The following ZNF556 variants were observed in gnomAD, a reference collection of about 807,000 sequenced individuals.
ZNF556 encodes zinc finger protein 556.
In ZNF556, 11 loss-of-function variants were observed where a neutral mutation model predicts 13.6. That is an observed-to-expected ratio of 0.81 (90% CI 0.51 to 1.33). The LOEUF (loss-of-function observed/expected upper bound fraction) is 1.33, where lower values mean the gene tolerates loss of function less well. ZNF556 is among the 40% of genes most tolerant of loss of function. ZNF556 has a pLI of 0.00. For missense variants in ZNF556, 633 were observed against 566.2 expected (o/e 1.12, Z -1.20); for synonymous variants, 229 against 207.8 (o/e 1.10, Z -0.88).
chr19:2,867,885 C>T (rs1266023876), intron 1 of ZNF556, among the ~76,000 whole-genome samples: 1 of 152,146 alleles, frequency 6.6e-6, no homozygotes, highest in Admixed American at 6.5e-5. Flanking sequence ...GGCCTGACCC[C>T]AAAGGCCCGC....
At chr19:2,875,609 C>A in intron 2 of ZNF556, 1 of 155,288 alleles carries the variant, frequency 6.4e-6, no homozygotes, top group South Asian at 1.9e-4. Flanking sequence ...TTTTGGGAGT[C>A]GTGTTCCCTG....
In ZNF556 at chr19:2,877,890, G is replaced by A. The variant is rs867357886; in HGVS notation, c.932G>A (p.Gly311Glu). The A allele has an allele frequency of 1.9e-6, 3 of 1,614,064 alleles. No individual in the cohort carries two copies. The African/African-American group carries it at 4.0e-5, about 22-fold the overall frequency. Residue 311 changes from glycine (G) to glutamate (E), a missense_variant, in exon 4 of 4, where the codon GGG (glycine) becomes GAG (glutamate). Physicochemically the swap from Gly to Glu is moderately conservative, Grantham distance 98. Coordinates refer to ENST00000307635, the MANE Select transcript of ZNF556 (RefSeq NM_024967.3). ...SFQRHVRIHN[G>E]EKPYKCGKCG... ...CAACGACACGTGAGAATTCACAACG[G>A]GGAGAAACCCTATAAGTGTGGAAAA...
intron 2 of ZNF556, among the ~76,000 whole-genome samples, chr19:2,874,190 G>C (rs62126858): frequency 0.42 from 63,297 of 151,868 alleles, 16,007 homozygotes; most frequent in East Asian, 0.81. Context: ...CCGGGAGGCA[G>C]AGGTTGCAGT....
At chr19:2,873,696 G>A (rs1378911318) in intron 2 of ZNF556, 74 bp downstream of exon 2, 10 of 1,531,928 alleles carry the variant, frequency 6.5e-6, no homozygotes, top group African/African-American at 4.1e-5. Flanking sequence ...GTTCATGCCT[G>A]TATTCCCAGT....
In ZNF556 at chr19:2,882,209, C is replaced by CCG. The variant is rs1568356654; in HGVS notation, c.*3880_*3881insCG. The CCG allele has an allele frequency of 1.3e-5, 2 of 152,042 alleles. No individual in the cohort carries two copies. Among genetic ancestry groups the CCG allele is most frequent in the African/African-American group, 4.8e-5 (2 of 41,402 alleles). The allele number at this position is 152,042 out of a possible 1,614,324, so 9.4% of individuals were successfully genotyped here. On this transcript the variant is annotated 3_prime_UTR_variant, in exon 4 of 4. Coordinates refer to ENST00000307635, the MANE Select transcript of ZNF556 (RefSeq NM_024967.3). Reference sequence around the variant, plus strand: ...TTGGGAGGCTGAGGCGGGTGGATCACGAGGTCAGGAGATCAAGACCATCCT... The same window carrying CCG: ...TTGGGAGGCTGAGGCGGGTGGATCACCGGAGGTCAGGAGATCAAGACCATCCT...
rs1323673782 is a variant in ZNF556 at position 2,882,470 on chromosome 19, AT to A, written c.*4144del. 1 of 149,970 alleles carries A rather than the reference AT, an allele frequency of 6.7e-6. No individual in the cohort carries two copies. Among genetic ancestry groups the A allele is most frequent in the Non-Finnish European group, 1.5e-5 (1 of 67,768 alleles). The allele number at this position is 149,970 out of a possible 1,614,324, so 9.3% of individuals were successfully genotyped here. ...AAAGGTATATTTATGGTTCAGCCTCATTTCTGCAAATATTAAAAATTTTAGG... is the reference window on the plus strand; with the variant it reads ...AAAGGTATATTTATGGTTCAGCCTCATTCTGCAAATATTAAAAATTTTAGG... On this transcript the variant is annotated 3_prime_UTR_variant, in exon 4 of 4. Coordinates refer to ENST00000307635, the MANE Select transcript of ZNF556 (RefSeq NM_024967.3).
At position 2,873,491 on chromosome 19, in the gene ZNF556, T is replaced by C. The variant is rs1403158579; in HGVS notation, c.4-5T>C. 6.8e-6 allele frequency: 11 copies of C among 1,613,996 alleles called. No individual in the cohort carries two copies. The African/African-American group carries it at 1.5e-4, about 22-fold the overall frequency. On this transcript the variant is annotated splice_region_variant and splice_polypyrimidine_tract_variant and intron_variant, in intron 1 of 3. Coordinates refer to ENST00000307635, the MANE Select transcript of ZNF556 (RefSeq NM_024967.3). ...CCTCATGTACACATATGTGGTTTGT[T>C]TTAGGACACAGTGGTCTTTGAAGAC...
At chr19:2,875,990 A>G in intron 2 of ZNF556, 103 bp from the exon 3 acceptor site, 1 of 1,009,444 alleles carries the variant, frequency 9.9e-7, no homozygotes, top group Non-Finnish European at 1.4e-6. Flanking sequence ...ATAGATAAAT[A>G]AAATAAAATC....
At position 2,876,158 on chromosome 19, in the gene ZNF556, TC is replaced by T; in HGVS notation, c.199del (p.Leu67SerfsTer5). 1 of 1,612,878 alleles carries T rather than the reference TC, an allele frequency of 6.2e-7. No individual in the cohort carries two copies. Among genetic ancestry groups the T allele is most frequent in the Non-Finnish European group, 8.5e-7 (1 of 1,179,694 alleles). ...SQQDTSGEKL[S>X]LKQKIEKFTR... is the part of the protein sequence containing the mutation. The stretch of plus-strand genomic sequence containing the variant: ...GCAGGATACTTCTGGAGAAAAATTA[TC>T]CCTCAAACAGAAAATAGAAAAGTTC... On this transcript the variant is annotated frameshift_variant, in exon 3 of 4. Transcript: ENST00000307635. LOFTEE classifies it high-confidence loss of function.
chr19:2,872,710 TCA>T lies in ZNF556; in HGVS notation c.4-785_4-784del, dbSNP rs1568352491. ...GGCGGGCACCTGTAATCCCAGCTAC[TCA>T]GGAGGCTGAGGCAGGAGAATTGCTT... On this transcript the variant is annotated intron_variant, in intron 1 of 3. Transcript: ENST00000307635. 4.0e-5 allele frequency among the ~76,000 whole-genome samples: 6 copies of T among 150,990 alleles called. No homozygotes were observed. In the East Asian group the frequency reaches 1.2e-3, roughly 30 times the overall value.
chr19:2,881,971 C>T lies in ZNF556; in HGVS notation c.*3642C>T, dbSNP rs544325042. 2.6e-5 allele frequency: 4 copies of T among 151,970 alleles called. No individual in the cohort carries two copies. The South Asian group carries it at 8.3e-4, about 32-fold the overall frequency. The allele number at this position is 151,970 out of a possible 1,614,324, so 9.4% of individuals were successfully genotyped here. On this transcript the variant is annotated 3_prime_UTR_variant, in exon 4 of 4. Transcript: ENST00000307635. ...AAAGAAATTTTTAAAAGTATCTAGG[C>T]ATGGTGATGTGCACTTGTAGAGCCA...
At position 2,883,245 on chromosome 19, in the gene ZNF556, A is replaced by G. The variant is rs971244642; in HGVS notation, c.*4916A>G. 11 of 152,196 alleles carry G rather than the reference A, an allele frequency of 7.2e-5. No homozygotes were observed. Among genetic ancestry groups the G allele is most frequent in the African/African-American group, 2.7e-4 (11 of 41,452 alleles). The allele number at this position is 152,196 out of a possible 1,614,324, so 9.4% of individuals were successfully genotyped here. A position where few individuals can be genotyped will look rare whatever the true frequency, so the allele number is the denominator to read the frequency against. On this transcript the variant is annotated 3_prime_UTR_variant, in exon 4 of 4. Coordinates refer to ENST00000307635, the MANE Select transcript of ZNF556 (RefSeq NM_024967.3). ...GATTATCATTTTGAGTAACATCCCA[A>G]TGTATTTGTCATCCTTTAATTAATT...
intron 3 of ZNF556, among the ~76,000 whole-genome samples, 170 bp from the exon 4 acceptor site, chr19:2,877,103 C>T (rs2087858421): frequency 6.6e-6 from 1 of 151,826 alleles, no homozygotes; most frequent in Admixed American, 6.6e-5. Flanking sequence ...ATCCCAGCTG[C>T]TCAGGAGGCT....
chr19:2,869,165 G>A (rs2087781574), intron 1 of ZNF556, among the ~76,000 whole-genome samples: 2 of 152,046 alleles, frequency 1.3e-5, no homozygotes, highest in Admixed American at 1.3e-4. Flanking sequence ...GTGTCCACTT[G>A]AATGCCTTAT....
rs1489524995 is a variant in ZNF556 at position 2,877,687 on chromosome 19, C to CAAATCCT, written c.730_736dup (p.Phe246Ter). The CAAATCCT allele has an allele frequency of 2.5e-6, 4 of 1,613,934 alleles. No individual in the cohort carries two copies. In the East Asian group the frequency reaches 8.9e-5, roughly 36 times the overall value. ...AGTGTGGGAAAGGCTTCAGTTGTCC[C>CAAATCCT]AAATCCTTTCGCGCACATGTGATGA... On this transcript the variant is annotated frameshift_variant, in exon 4 of 4. Coordinates refer to ENST00000307635, the MANE Select transcript of ZNF556 (RefSeq NM_024967.3). LOFTEE classifies it low-confidence loss of function (END_TRUNC).
chr19:2,871,166 GAAA>G (rs59136663), intron 1 of ZNF556, among the ~76,000 whole-genome samples: 2 of 148,492 alleles, frequency 1.3e-5, no homozygotes, highest in South Asian at 4.3e-4. Context: ...GCCGTCTCAA[GAAA>G]AAAAAAAGTA....
At position 2,876,142 on chromosome 19, in the gene ZNF556, T is replaced by C; in HGVS notation, c.180T>C (p.Thr60=). ...KASGSISQQD[T]SGEKLSLKQK... ...GTGGGTCTATTTCTCAGCAGGATAC[T>C]TCTGGAGAAAAATTATCCCTCAAAC... Residue 60 remains threonine (T), a synonymous_variant, in exon 3 of 4, where the codon ACT becomes ACC. Transcript: ENST00000307635. 3.1e-6 allele frequency: 5 copies of C among 1,613,070 alleles called. No individual in the cohort carries two copies. Among genetic ancestry groups the C allele is most frequent in the Non-Finnish European group, 3.4e-6 (4 of 1,179,766 alleles).
At position 2,876,257 on chromosome 19, in the gene ZNF556, A is replaced by G; in HGVS notation, c.295A>G (p.Thr99Ala). 6.3e-7 allele frequency: 1 copy of G among 1,595,774 alleles called. No individual in the cohort carries two copies. Among genetic ancestry groups the G allele is most frequent in the Non-Finnish European group, 8.5e-7 (1 of 1,174,690 alleles). ...EEHSVKDKHN[T>A]KERHLSRNPR... Reference sequence around the variant, plus strand: ...ACATAGCGTTAAAGACAAGCACAACACCAAGGAGAGACATTTGAGGTGAGT... The same window carrying G: ...ACATAGCGTTAAAGACAAGCACAACGCCAAGGAGAGACATTTGAGGTGAGT... The change falls in exon 3 of 4, where the codon ACC (threonine) becomes GCC (alanine). Residue 99 changes from threonine to alanine, a missense_variant. Physicochemically the swap from Thr to Ala is moderately conservative, Grantham distance 58 (BLOSUM62 0). Coordinates refer to ENST00000307635, the MANE Select transcript of ZNF556 (RefSeq NM_024967.3).
rs1568354833 is a variant in ZNF556 at position 2,877,732 on chromosome 19, GTA to G, written c.776_777del (p.Tyr259Ter). ...TGATGATGCACGCCGGAGGGAGACC[GTA>G]TGAGTGCAAGCACTGTGGGAAAGCC... ...HVMMHAGGRP[Y>X]ECKHCGKAFR... On this transcript the variant is annotated frameshift_variant, in exon 4 of 4. Coordinates refer to ENST00000307635, the MANE Select transcript of ZNF556 (RefSeq NM_024967.3). LOFTEE classifies it low-confidence loss of function (END_TRUNC). The G allele has an allele frequency of 2.5e-6, 4 of 1,613,248 alleles. No individual in the cohort carries two copies. In the South Asian group the frequency reaches 4.4e-5, roughly 18 times the overall value.
Sources: allele counts gnomAD v4.1 joint callset (sites outside exome capture counted in the v4.1 genomes callset), GRCh38; gene constraint gnomAD v4.1.1; transcripts MANE v1.5; gene names NCBI Gene and HGNC (gene_info 2026-07-23, HGNC 2026-07-21).